The following THSD7B variants were observed in gnomAD, a reference collection of about 807,000 sequenced individuals.
The protein encoded by THSD7B is thrombospondin type-1 domain-containing protein 7B.
A neutral mutation model predicts 213.6 loss-of-function variants in THSD7B; 138 were observed. The observed-to-expected ratio is 0.65, with a 90% CI of 0.56 to 0.74. THSD7B has a LOEUF of 0.74. Ranked by LOEUF, THSD7B falls within the 30% of genes least tolerant of loss-of-function variation. The pLI, the probability that THSD7B is intolerant of heterozygous loss-of-function variation, is 0.00. For missense variants in THSD7B, 1,931 were observed against 1,991.5 expected (o/e 0.97, Z 0.58); for synonymous variants, 742 against 687.0 (o/e 1.08, Z -1.25).
intron 5 of THSD7B, among the ~76,000 whole-genome samples, chr2:137,123,284 G>A (rs7599652): frequency 0.02 from 2,993 of 152,200 alleles, 106 homozygotes; most frequent in African/African-American, 0.067. Flanking sequence ...TGGAAGTGTA[G>A]GGGTCTTAGC....
At chr2:136,837,153 A>G (rs1307155302) in intron 1 of THSD7B, among the ~76,000 whole-genome samples, 2 of 152,152 alleles carry the variant, frequency 1.3e-5, no homozygotes, top group Non-Finnish European at 2.9e-5. Context: ...TTCATCATGA[A>G]TCATCAAAAA....
At chr2:137,672,770 T>G (rs1469972163) in intron 27 of THSD7B, among the ~76,000 whole-genome samples, 1 of 152,228 alleles carries the variant, frequency 6.6e-6, no homozygotes. Context: ...AAAATGCTTC[T>G]GAGAAAATGT....
At chr2:137,351,733 A>G (rs1357953847) in intron 12 of THSD7B, among the ~76,000 whole-genome samples, 1 of 151,946 alleles carries the variant, frequency 6.6e-6, no homozygotes, top group African/African-American at 2.4e-5. Context: ...TAAGACAACC[A>G]GGGGATGAAA....
intron 15 of THSD7B, among the ~76,000 whole-genome samples, chr2:137,549,418 C>T (rs1357973231): frequency 2.1e-5 from 3 of 142,202 alleles, no homozygotes; most frequent in African/African-American, 5.2e-5. Context: ...CTCAATCTAT[C>T]TACCTATCCT....
At chr2:137,496,311 G>A (rs950192480) in intron 15 of THSD7B, among the ~76,000 whole-genome samples, 5 of 152,136 alleles carry the variant, frequency 3.3e-5, no homozygotes, top group African/African-American at 9.7e-5. Context: ...ACTACAGCTG[G>A]CCTTCTGATG....
intron 2 of THSD7B, among the ~76,000 whole-genome samples, chr2:137,005,174 T>C (rs1686079936): frequency 6.6e-6 from 1 of 152,206 alleles, no homozygotes; most frequent in South Asian, 2.1e-4. Flanking sequence ...GTTGTCAGGC[T>C]TTTTCAATGA....
intron 3 of THSD7B, among the ~76,000 whole-genome samples, chr2:137,075,967 C>T (rs1043563083): frequency 7.2e-5 from 11 of 152,078 alleles, no homozygotes; most frequent in Non-Finnish European, 1.5e-4. Context: ...AGAGGAGTAC[C>T]CGGCCGTGTA....
chr2:137,021,091 T>C (rs1686438747), intron 2 of THSD7B, among the ~76,000 whole-genome samples: 1 of 152,164 alleles, frequency 6.6e-6, no homozygotes, highest in South Asian at 2.1e-4. Flanking sequence ...AGTAGAAATG[T>C]GTATTTCTAT....
intron 12 of THSD7B, among the ~76,000 whole-genome samples, chr2:137,367,081 T>C (rs548141899): frequency 6.6e-6 from 1 of 152,258 alleles, no homozygotes; most frequent in African/African-American, 2.4e-5. Flanking sequence ...TGGTTGCTTT[T>C]TTTTTTGTTT....
At chr2:137,109,300 T>A (rs1461784939) in intron 4 of THSD7B, among the ~76,000 whole-genome samples, 1 of 152,240 alleles carries the variant, frequency 6.6e-6, no homozygotes, top group African/African-American at 2.4e-5. Flanking sequence ...ATATTTGGAA[T>A]AACACTCACA....
intron 12 of THSD7B, among the ~76,000 whole-genome samples, chr2:137,372,104 C>T (rs1685544764): frequency 6.6e-6 from 1 of 152,034 alleles, no homozygotes; most frequent in Non-Finnish European, 1.5e-5. Flanking sequence ...TTGAAAAGCT[C>T]CTCATGTCAA....
intron 15 of THSD7B, among the ~76,000 whole-genome samples, chr2:137,553,673 C>T (rs1334358299): frequency 6.6e-6 from 1 of 152,036 alleles, no homozygotes; most frequent in Non-Finnish European, 1.5e-5. Context: ...CCTATTAAAC[C>T]TTGTTATTTT....
rs373336429 is a variant in THSD7B, at chr2:137,405,593, G to T, written c.2501-20G>T. 4 of 1,574,734 alleles carry T rather than the reference G, an allele frequency of 2.5e-6. No homozygotes were observed. The highest frequency in any genetic ancestry group is 2.6e-6 in the Non-Finnish European group (3 of 1,159,820). ...TGATTTAATCAAAATAATAACAAAA[G>T]AATTCATGCTTTTTTTCAGCTGTCT... is the stretch of plus-strand genomic sequence containing the variant. On this transcript the variant is annotated intron_variant, in intron 12 of 27. Transcript: ENST00000409968.
At chr2:136,768,265 GAAAAAGCAGAAT>G (rs1558798842) in intron 1 of THSD7B, among the ~76,000 whole-genome samples, 2 of 152,108 alleles carry the variant, frequency 1.3e-5, no homozygotes, top group African/African-American at 4.8e-5. Context: ...ATGATAGACC[GAAAAAGCAGAAT>G]AAAAAGATAG....
intron 12 of THSD7B, among the ~76,000 whole-genome samples, chr2:137,373,073 A>C (rs1030857759): frequency 7.2e-5 from 11 of 152,106 alleles, no homozygotes; most frequent in African/African-American, 2.2e-4. Context: ...TATATGTGCC[A>C]CATTTTCTTA....
chr2:137,062,808 G>A (rs1687301779), intron 3 of THSD7B, among the ~76,000 whole-genome samples: 1 of 151,770 alleles, frequency 6.6e-6, no homozygotes, highest in African/African-American at 2.4e-5. Context: ...TTCTATAAAT[G>A]TCAATTATAT....
chr2:137,277,918 C>T (rs1477888071), intron 12 of THSD7B, among the ~76,000 whole-genome samples: 1 of 152,076 alleles, frequency 6.6e-6, no homozygotes, highest in Non-Finnish European at 1.5e-5. Context: ...AGTTCTTCAC[C>T]TTTCACTCTA....
At chr2:137,089,317 T>C (rs893414218) in intron 3 of THSD7B, among the ~76,000 whole-genome samples, 8 of 148,658 alleles carry the variant, frequency 5.4e-5, no homozygotes, top group African/African-American at 1.8e-4. Context: ...TATGTATATA[T>C]ACATATATGT....
intron 3 of THSD7B, among the ~76,000 whole-genome samples, chr2:137,080,592 A>T (rs1687728745): frequency 6.6e-6 from 1 of 151,812 alleles, no homozygotes; most frequent in South Asian, 2.1e-4. Flanking sequence ...TAGTGCCCTT[A>T]ATTTCCTCAC....
Sources: allele counts gnomAD v4.1 joint callset (sites outside exome capture counted in the v4.1 genomes callset), GRCh38; gene constraint gnomAD v4.1.1; transcripts MANE v1.5; gene names NCBI Gene and HGNC (gene_info 2026-07-23, HGNC 2026-07-21).